NEGR1: variants seen among roughly 807,000 people sequenced by gnomAD.
The protein encoded by NEGR1 is IgLON family member 4.
In NEGR1, 10 loss-of-function variants were observed where a neutral mutation model predicts 40.9. The observed-to-expected ratio is 0.24, with a 90% CI of 0.15 to 0.42. The LOEUF (loss-of-function observed/expected upper bound fraction) is 0.42. NEGR1 is among the 10% of genes least tolerant of loss of function. The probability of loss-of-function intolerance (pLI) is 1.00; values close to 1 mark genes in which losing one functional copy is unlikely to be tolerated. For missense variants in NEGR1, 352 were observed against 438.9 expected, an observed-to-expected ratio of 0.80 and a Z score of 1.77; for synonymous variants, 185 against 166.8, an observed-to-expected ratio of 1.11 and a Z score of -0.84.
intron 4 of NEGR1, among the ~76,000 whole-genome samples, chr1:71,630,226 T>G (rs1650926747): frequency 6.6e-6 from 1 of 152,010 alleles, no homozygotes; most frequent in South Asian, 2.1e-4. Flanking sequence ...TAATGTAAAC[T>G]GCAGGATATG....
At chr1:71,994,488 AC>A (rs1326580672) in intron 1 of NEGR1, among the ~76,000 whole-genome samples, 2 of 150,868 alleles carry the variant, frequency 1.3e-5, no homozygotes, top group Non-Finnish European at 2.9e-5. Context: ...AGATGGCACT[AC>A]CGCACTCCAG....
intron 4 of NEGR1, among the ~76,000 whole-genome samples, chr1:71,632,697 C>A (rs1372904949): frequency 6.6e-6 from 1 of 151,736 alleles, no homozygotes; most frequent in Non-Finnish European, 1.5e-5. Context: ...TCATTTTATT[C>A]TCTAAATTAC....
chr1:72,099,493 C>G (rs2100240785), intron 1 of NEGR1, among the ~76,000 whole-genome samples: 1 of 152,070 alleles, frequency 6.6e-6, no homozygotes, highest in Non-Finnish European at 1.5e-5. Flanking sequence ...TATTTTCTAA[C>G]TTGGTAATAT....
At chr1:71,760,668 C>T (rs976144115) in intron 3 of NEGR1, among the ~76,000 whole-genome samples, 6 of 152,146 alleles carry the variant, frequency 3.9e-5, no homozygotes, top group Admixed American at 2.6e-4. Context: ...GTTGAAATGT[C>T]ATCAGCATAA....
chr1:72,239,509 T>C (rs1377387169), intron 1 of NEGR1, among the ~76,000 whole-genome samples: 2 of 149,270 alleles, frequency 1.3e-5, no homozygotes, highest in Non-Finnish European at 3.0e-5. Flanking sequence ...CTTAGTTTTG[T>C]TGCTCACAGA....
intron 1 of NEGR1, among the ~76,000 whole-genome samples, chr1:72,079,595 C>A (rs111236569): frequency 0.015 from 2,336 of 152,086 alleles, 57 homozygotes; most frequent in African/African-American, 0.053. Flanking sequence ...TCGTTATAAT[C>A]AATATGTATG....
Position 71,526,204 on chromosome 1 carries a change from G to A in NEGR1, c.940+66613C>T, listed in dbSNP as rs888857295. Among the ~76,000 whole-genome samples, 16 of 151,494 alleles carry A rather than the reference G, an allele frequency of 1.1e-4. 1 individual carries two copies. In the South Asian group the frequency reaches 2.7e-3, roughly 26 times the overall value. On this transcript the variant is annotated intron_variant, in intron 6 of 6. Transcript: ENST00000357731. Reference sequence around the variant, plus strand: ...TTCATTATATTCAGGCATATTAATTGGAATTTGAAATATATTCTGAGCTGT... The same window carrying A: ...TTCATTATATTCAGGCATATTAATTAGAATTTGAAATATATTCTGAGCTGT...
intron 1 of NEGR1, among the ~76,000 whole-genome samples, chr1:72,226,311 C>T (rs1405519968): frequency 1.3e-5 from 2 of 151,828 alleles, no homozygotes; most frequent in Non-Finnish European, 2.9e-5. Context: ...GAATCAATGC[C>T]TATATGAGTG....
intron 2 of NEGR1, among the ~76,000 whole-genome samples, chr1:71,837,694 TC>T (rs1043476126): frequency 1.3e-5 from 2 of 152,040 alleles, no homozygotes; most frequent in Middle Eastern, 3.2e-3. Context: ...TTAATATTCC[TC>T]CATTTACAAT....
chr1:72,087,078 G>C (rs1271518185), intron 1 of NEGR1, among the ~76,000 whole-genome samples: 1 of 152,106 alleles, frequency 6.6e-6, no homozygotes, highest in Non-Finnish European at 1.5e-5. Context: ...AAACAGGATA[G>C]ATAAATTCTA....
chr1:71,408,624 C>T (rs987324814), intron 6 of NEGR1: 3 of 151,732 alleles, frequency 2.0e-5, no homozygotes, highest in Admixed American at 6.6e-5. Context: ...ATGTTACAGC[C>T]GTGCTTGGAC....
intron 1 of NEGR1, among the ~76,000 whole-genome samples, chr1:72,275,662 A>G (rs1047017609): frequency 6.6e-6 from 1 of 152,094 alleles, no homozygotes; most frequent in Non-Finnish European, 1.5e-5. Flanking sequence ...TTAAATTATC[A>G]TTTCTCCTGA....
chr1:71,639,542 G>A lies in NEGR1; in HGVS notation c.668-28396C>T, dbSNP rs543160166. On this transcript the variant is annotated intron_variant, in intron 4 of 6. Coordinates refer to ENST00000357731, the MANE Select transcript of NEGR1 (RefSeq NM_173808.3). ...GTATAGTGGAAGAATATGTGTATGC[G>A]CACCTCTGCACATGTTTGTAGGAAG... Among the ~76,000 whole-genome samples the A allele has an allele frequency of 9.8e-4, 149 of 152,096 alleles. 2 individuals are homozygous for A. The highest frequency in any genetic ancestry group is 3.5e-3 in the African/African-American group (147 of 41,528).
chr1:71,784,675 A>G (rs751468960), intron 2 of NEGR1, among the ~76,000 whole-genome samples: 5 of 152,162 alleles, frequency 3.3e-5, no homozygotes, highest in Admixed American at 6.5e-5. Context: ...ACTTTCTTCT[A>G]TTTTCTCTTT....
intron 6 of NEGR1, among the ~76,000 whole-genome samples, chr1:71,533,927 C>T (rs922714912): frequency 6.6e-6 from 1 of 151,650 alleles, no homozygotes; most frequent in African/African-American, 2.4e-5. Context: ...TAATTCAGCA[C>T]TCATTTCACA....
intron 6 of NEGR1, among the ~76,000 whole-genome samples, chr1:71,509,292 G>A (rs1361582202): frequency 6.6e-6 from 1 of 152,186 alleles, no homozygotes; most frequent in Admixed American, 6.5e-5. Flanking sequence ...ACTTGTAAGA[G>A]TCTGTCATTG....
chr1:71,434,783 T>C (rs1395833073), intron 6 of NEGR1, among the ~76,000 whole-genome samples: 3 of 152,192 alleles, frequency 2.0e-5, no homozygotes, highest in African/African-American at 7.2e-5. Context: ...GGATTTATTG[T>C]TACTATAGTT....
chr1:71,807,848 A>G (rs934940399), intron 2 of NEGR1, among the ~76,000 whole-genome samples: 1 of 152,152 alleles, frequency 6.6e-6, no homozygotes, highest in Non-Finnish European at 1.5e-5. Flanking sequence ...TGAGATTTCT[A>G]AGCACATTCT....
chr1:71,755,618 T>C (rs763714387), intron 3 of NEGR1, among the ~76,000 whole-genome samples: 7 of 152,194 alleles, frequency 4.6e-5, no homozygotes, highest in South Asian at 2.1e-4. Flanking sequence ...ACAGAACAAC[T>C]TTTGTCTTGC....
Sources: allele counts gnomAD v4.1 joint callset (sites outside exome capture counted in the v4.1 genomes callset), GRCh38; gene constraint gnomAD v4.1.1; transcripts MANE v1.5; gene names NCBI Gene and HGNC (gene_info 2026-07-23, HGNC 2026-07-21).